The following CXorf38 variants were observed in gnomAD, a reference collection of about 807,000 sequenced individuals.
The protein encoded by CXorf38 is chromosome X open reading frame 38, also known as uncharacterized protein CXorf38.
A neutral mutation model predicts 27.5 loss-of-function variants in CXorf38; 13 were observed. The ratio of observed to expected loss-of-function variants is 0.47; its 90% CI spans 0.31 to 0.75. The LOEUF (loss-of-function observed/expected upper bound fraction) is 0.75. Ranked by LOEUF, CXorf38 falls within the 30% of genes least tolerant of loss-of-function variation. The pLI is 0.05. For synonymous variants in CXorf38, 100 were observed against 99.8 expected, an observed-to-expected ratio of 1.00 and a Z score of -0.01; for missense variants, 240 against 253.2, an observed-to-expected ratio of 0.95 and a Z score of 0.35.
At chrX:40,645,082 A>G (rs907119463) in intron 2 of CXorf38, among the ~76,000 whole-genome samples, 1 of 112,127 alleles carries the variant, frequency 8.9e-6, no homozygotes, top group African/African-American at 3.3e-5. Context: ...GAGGTGACAA[A>G]GGCAGGCAGG....
intron 3 of CXorf38, among the ~76,000 whole-genome samples, chrX:40,637,559 G>A (rs1401141888): frequency 3.6e-5 from 4 of 112,110 alleles, no homozygotes; most frequent in African/African-American, 9.7e-5. Flanking sequence ...CTATCTCAAG[G>A]GGCAGCCTCT....
chrX:40,633,835 T>C (rs1927939480), intron 5 of CXorf38, among the ~76,000 whole-genome samples: 1 of 111,640 alleles, frequency 9.0e-6, no homozygotes, highest in Admixed American at 9.5e-5. Flanking sequence ...TGTTCTTTAG[T>C]TGGATTTTTT....
chrX:40,646,918 G>C (rs1365627688), intron 2 of CXorf38, 89 bp downstream of exon 2: 5 of 1,037,466 alleles, frequency 4.8e-6, no homozygotes, highest in Middle Eastern at 3.0e-4. Context: ...ATCTGTTTAT[G>C]AGGCCCCGGC....
At chrX:40,646,873 A>C in intron 2 of CXorf38, 134 bp downstream of exon 2, 2 of 778,008 alleles carry the variant, frequency 2.6e-6, no homozygotes, top group Non-Finnish European at 3.5e-6. Context: ...ACCACCCCTG[A>C]ACCGCCTAGA....
At chrX:40,641,695 C>G (rs992960703) in intron 2 of CXorf38, among the ~76,000 whole-genome samples, 4 of 112,193 alleles carry the variant, frequency 3.6e-5, no homozygotes, top group Non-Finnish European at 7.5e-5. Context: ...CCTGTCCTTG[C>G]TACAAGTTTA....
intron 2 of CXorf38, among the ~76,000 whole-genome samples, chrX:40,643,551 C>T (rs1928440328): frequency 2.7e-5 from 3 of 111,090 alleles, no homozygotes; most frequent in African/African-American, 6.6e-5. Flanking sequence ...TCTTGTTGCC[C>T]AGGCTGGAGT....
intron 2 of CXorf38, chrX:40,640,387 C>T (rs921756118): frequency 4.5e-6 from 1 of 221,012 alleles, no homozygotes; most frequent in Non-Finnish European, 8.4e-6. Context: ...GAGACCTGTT[C>T]CATTGAAAAC....
At position 40,637,176 on chromosome X, in the gene CXorf38, T is replaced by C. The variant is rs1928110823; in HGVS notation, c.472-20A>G. 8 of 1,095,830 alleles carry C rather than the reference T, an allele frequency of 7.3e-6. No homozygotes were observed. Among genetic ancestry groups the C allele is most frequent in the Non-Finnish European group, 9.7e-6 (8 of 827,489 alleles). 90.3% of individuals were successfully genotyped at this position (1,095,830 alleles called of 1,213,427 possible). ...AATTACCTGCAGAAAGACAAAAAGA[T>C]AAAAGGCTTCAAAATCAAACAATGG... On this transcript the variant is annotated intron_variant, in intron 3 of 6. Transcript: ENST00000327877.
intron 5 of CXorf38, among the ~76,000 whole-genome samples, chrX:40,635,309 A>C (rs1928019048): frequency 8.8e-6 from 1 of 113,384 alleles, no homozygotes. Context: ...AGGGGTACCA[A>C]GCCCTTGTGC....
chrX:40,642,909 T>A (rs1015259087), intron 2 of CXorf38, among the ~76,000 whole-genome samples: 18 of 109,155 alleles, frequency 1.6e-4, no homozygotes, highest in South Asian at 4.0e-4. Flanking sequence ...GTAGCTGGGA[T>A]TACAGGCACA....
chrX:40,632,226 A>G (rs950000641), intron 5 of CXorf38, among the ~76,000 whole-genome samples: 4 of 111,769 alleles, frequency 3.6e-5, no homozygotes, highest in African/African-American at 1.3e-4. Flanking sequence ...GCATGATCAC[A>G]GATGGACTTT....
At chrX:40,630,267 G>T (rs1927713324) in intron 6 of CXorf38, 105 bp from the exon 7 acceptor site, 1 of 139,264 alleles carries the variant, frequency 7.2e-6, no homozygotes, top group African/African-American at 3.1e-5. Context: ...TATGGAAATT[G>T]ACTAGTCAAT....
chrX:40,643,389 C>T (rs1928425651), intron 2 of CXorf38, among the ~76,000 whole-genome samples: 1 of 112,196 alleles, frequency 8.9e-6, no homozygotes, highest in Non-Finnish European at 1.9e-5. Context: ...ATTTTCATTG[C>T]CTCAAAAAGA....
chrX:40,631,252 T>TACACACACAC (rs1298183364), intron 5 of CXorf38, among the ~76,000 whole-genome samples: 13 of 37,662 alleles, frequency 3.5e-4, no homozygotes, highest in African/African-American at 9.4e-4. Flanking sequence ...TGTATATATA[T>TACACACACAC]ATACACACAC....
At chrX:40,638,348 C>T (rs1928164424) in intron 3 of CXorf38, among the ~76,000 whole-genome samples, 2 of 112,204 alleles carry the variant, frequency 1.8e-5, no homozygotes, top group South Asian at 7.3e-4. Flanking sequence ...ACAAAAGATA[C>T]ATGCATTTTC....
chrX:40,632,326 C>A (rs777379518), intron 5 of CXorf38, among the ~76,000 whole-genome samples: 158 of 111,814 alleles, frequency 1.4e-3, no homozygotes, highest in African/African-American at 4.6e-3. Flanking sequence ...ACCTCCTGAC[C>A]CCCCCTGCAG....
In CXorf38 at chrX:40,627,762, T is replaced by G. The variant is rs1927595958; in HGVS notation, c.*2402A>C. The stretch of plus-strand genomic sequence containing the variant: ...AAGCCCTCTCTAGGGCTTTAAAAAG[T>G]TTTCGGAACCGTATCTTTAACAGAG... On this transcript the variant is annotated 3_prime_UTR_variant, in exon 7 of 7. Transcript: ENST00000327877. 8.9e-6 allele frequency: 1 copy of G among 111,796 alleles called. No individual in the cohort carries two copies. Among genetic ancestry groups the G allele is most frequent in the Non-Finnish European group, 1.9e-5 (1 of 53,160 alleles). 9.2% of individuals were successfully genotyped at this position (111,796 alleles called of 1,213,427 possible). A position where few individuals can be genotyped will look rare whatever the true frequency, so the allele number is the denominator to read the frequency against.
At chrX:40,641,688 G>C (rs977293032) in intron 2 of CXorf38, among the ~76,000 whole-genome samples, 35 of 112,283 alleles carry the variant, frequency 3.1e-4, no homozygotes, top group African/African-American at 1.1e-3. Context: ...CACCGTGCCT[G>C]TCCTTGCTAC....
intron 5 of CXorf38, among the ~76,000 whole-genome samples, chrX:40,631,553 G>A (rs1438293127): frequency 3.6e-5 from 4 of 111,285 alleles, no homozygotes; most frequent in Non-Finnish European, 7.5e-5. Flanking sequence ...TGATTCGCCC[G>A]CCTCGGCCTC....
Sources: gnomAD v4.1 joint callset for allele counts (sites outside exome capture counted in the v4.1 genomes callset) on GRCh38, gnomAD v4.1.1 for gene constraint, MANE v1.5 for transcripts, NCBI Gene and HGNC (gene_info 2026-07-23, HGNC 2026-07-21) for gene names.